The following SORBS2 variants were observed in gnomAD, a reference collection of about 807,000 sequenced individuals.
SORBS2 encodes sorbin and SH3 domain containing 2, also known as sorbin and SH3 domain-containing protein 2.
SORBS2 carries 46 observed loss-of-function variants against 97.7 expected under a neutral mutation model. The ratio of observed to expected loss-of-function variants is 0.47; its 90% CI spans 0.37 to 0.60. The LOEUF is 0.60. Ranked by LOEUF, SORBS2 falls within the 20% of genes least tolerant of loss-of-function variation. The pLI, the probability that SORBS2 is intolerant of heterozygous loss-of-function variation, is 0.00. For synonymous variants in SORBS2, 476 were observed against 473.4 expected, an observed-to-expected ratio of 1.01 and a Z score of -0.07; for missense variants, 1,316 against 1,282.3, an observed-to-expected ratio of 1.03 and a Z score of -0.40.
chr4:185,658,376 C>A (rs921054025), upstream of SORBS2, among the ~76,000 whole-genome samples: 3 of 150,796 alleles, frequency 2.0e-5, no homozygotes, highest in Non-Finnish European at 4.4e-5. Flanking sequence ...TACAGACATG[C>A]AGTATATAGT....
intron 1 of SORBS2, among the ~76,000 whole-genome samples, chr4:185,881,697 G>A (rs1486756241): frequency 6.6e-6 from 1 of 152,162 alleles, no homozygotes; most frequent in Admixed American, 6.5e-5. Context: ...GAGAATGGGT[G>A]TGAGGATTGA....
chr4:185,854,555 C>A (rs1289849129), intron 1 of SORBS2, among the ~76,000 whole-genome samples: 1 of 152,136 alleles, frequency 6.6e-6, no homozygotes, highest in Admixed American at 6.5e-5. Flanking sequence ...TAGTATGGTT[C>A]TTTGTCAAAA....
intron 1 of SORBS2, among the ~76,000 whole-genome samples, chr4:185,832,568 A>T (rs537025969): frequency 2.6e-4 from 40 of 152,358 alleles, no homozygotes; most frequent in African/African-American, 9.6e-4. Flanking sequence ...AGGTTAAAGC[A>T]GAATCCAGTG....
At chr4:185,667,174 G>A (rs1263511372) in intron 4 of SORBS2, among the ~76,000 whole-genome samples, 1 of 152,180 alleles carries the variant, frequency 6.6e-6, no homozygotes, top group Non-Finnish European at 1.5e-5. Context: ...TTTTGGAGGG[G>A]ATGTTTGGGA....
chr4:185,774,396 C>T (rs1294292449), intron 2 of SORBS2: 1 of 151,992 alleles, frequency 6.6e-6, no homozygotes, highest in Non-Finnish European at 1.5e-5. Flanking sequence ...AAAGGAAATG[C>T]TATGAAAGCA....
chr4:185,783,345 T>A (rs771553837), intron 1 of SORBS2, among the ~76,000 whole-genome samples: 36 of 152,354 alleles, frequency 2.4e-4, no homozygotes, highest in Non-Finnish European at 5.0e-4. Context: ...TCTACTTCTG[T>A]GTTAGCAACG....
chr4:185,788,190 A>G (rs2099064998), intron 1 of SORBS2, among the ~76,000 whole-genome samples: 1 of 152,210 alleles, frequency 6.6e-6, no homozygotes, highest in East Asian at 1.9e-4. Flanking sequence ...ATGAGCTGTT[A>G]ATGCTGTTCG....
intron 4 of SORBS2, among the ~76,000 whole-genome samples, chr4:185,670,293 C>T (rs7692790): frequency 0.78 from 118,001 of 152,100 alleles, 46,125 homozygotes; most frequent in East Asian, 0.92. Context: ...GTGTTAATAA[C>T]GTGCGTTTCA....
chr4:185,669,620 T>C (rs1388713694), intron 4 of SORBS2, among the ~76,000 whole-genome samples: 1 of 151,976 alleles, frequency 6.6e-6, no homozygotes, highest in Non-Finnish European at 1.5e-5. Context: ...GACAAAAAAC[T>C]CAGTAATTGA....
chr4:185,901,145 G>A (rs754239293), intron 1 of SORBS2, among the ~76,000 whole-genome samples: 16 of 152,110 alleles, frequency 1.1e-4, no homozygotes, highest in Admixed American at 4.6e-4. Flanking sequence ...CATATACTGT[G>A]TAGACTATGT....
chr4:185,631,027 C>T (rs959468974), intron 4 of SORBS2, among the ~76,000 whole-genome samples: 2 of 152,130 alleles, frequency 1.3e-5, no homozygotes, highest in South Asian at 4.1e-4. Context: ...CCTTATAAAA[C>T]ATCACATTTT....
At chr4:185,768,061 C>G (rs1201060678) in intron 2 of SORBS2, among the ~76,000 whole-genome samples, 1 of 152,130 alleles carries the variant, frequency 6.6e-6, no homozygotes, top group Non-Finnish European at 1.5e-5. Context: ...TTTTCTAGTA[C>G]AATATACGCC....
chr4:185,862,367 G>T (rs555659811), intron 1 of SORBS2, among the ~76,000 whole-genome samples: 84 of 152,368 alleles, frequency 5.5e-4, no homozygotes, highest in African/African-American at 1.9e-3. Context: ...CTACTGACAG[G>T]TTGTAGAGGC....
At chr4:185,716,163 C>T (rs1433921086) in intron 2 of SORBS2, among the ~76,000 whole-genome samples, 1 of 152,230 alleles carries the variant, frequency 6.6e-6, no homozygotes, top group Non-Finnish European at 1.5e-5. Context: ...GCTCAACTCC[C>T]AGACAGAGAT....
chr4:185,774,643 A>G (rs1329290327), intron 2 of SORBS2: 1 of 152,158 alleles, frequency 6.6e-6, no homozygotes, highest in East Asian at 1.9e-4. Context: ...CTTAGTAAGG[A>G]ATCCTCAACA....
chr4:185,603,869 A>C (rs73876124), intron 12 of SORBS2, among the ~76,000 whole-genome samples: 4,377 of 152,260 alleles, frequency 0.029, 218 homozygotes, highest in African/African-American at 0.1. Context: ...AGTGCTACAA[A>C]AGGATGATCC....
At chr4:185,823,328 T>C (rs1421170039) in intron 1 of SORBS2, among the ~76,000 whole-genome samples, 1 of 152,232 alleles carries the variant, frequency 6.6e-6, no homozygotes, top group Non-Finnish European at 1.5e-5. Context: ...GTTCACATTA[T>C]ATTTTAAATA....
chr4:185,775,421 G>T (rs1016617183), intron 1 of SORBS2, 55 bp from the exon 2 acceptor site: 1 of 152,544 alleles, frequency 6.6e-6, no homozygotes, highest in Admixed American at 6.5e-5. Flanking sequence ...AATCCCAGCT[G>T]CTGGGTGGTG....
intron 4 of SORBS2, among the ~76,000 whole-genome samples, chr4:185,641,724 C>A (rs2097128813): frequency 6.6e-6 from 1 of 151,380 alleles, no homozygotes; most frequent in South Asian, 2.1e-4. Flanking sequence ...ATCTTTCTAG[C>A]CTTGGTGTGA....
Sources: gnomAD v4.1 joint callset for allele counts (sites outside exome capture counted in the v4.1 genomes callset) on GRCh38, gnomAD v4.1.1 for gene constraint, MANE v1.5 for transcripts, NCBI Gene and HGNC (gene_info 2026-07-23, HGNC 2026-07-21) for gene names.